PRDM16: variants seen among roughly 807,000 people sequenced by gnomAD.
PRDM16 encodes histone-lysine N-methyltransferase PRDM16.
Under a neutral mutation model 110.6 loss-of-function variants are expected in PRDM16, and 23 were observed. That is an observed-to-expected ratio of 0.21 (90% confidence interval 0.15 to 0.29). The LOEUF (loss-of-function observed/expected upper bound fraction) is 0.29. Ranked by LOEUF, PRDM16 falls within the 10% of genes least tolerant of loss-of-function variation. The pLI, the probability that PRDM16 is intolerant of heterozygous loss-of-function variation, is 1.00. For missense variants in PRDM16, 1,615 were observed against 1,794.3 expected (o/e 0.90, Z 1.81); for synonymous variants, 799 against 781.8 (o/e 1.02, Z -0.37).
intron 3 of PRDM16, among the ~76,000 whole-genome samples, chr1:3,316,444 G>A (rs183391250): frequency 5.8e-4 from 88 of 152,342 alleles, no homozygotes; most frequent in African/African-American, 1.9e-3. Context: ...AAGTGCCAAT[G>A]GTATACACTA....
rs973943355 is a variant in PRDM16, at chr1:3,425,303, C to T, written c.2940-278C>T. 6.7e-6 allele frequency: 2 copies of T among 298,468 alleles called. No individual in the cohort carries two copies. The highest frequency in any genetic ancestry group is 1.3e-5 in the Non-Finnish European group (2 of 158,430). The allele number at this position is 298,468 out of a possible 1,614,324, so 18.5% of individuals were successfully genotyped here. ...CCATGTCAGCCAGGATGGTCTCGATCTCCTGACCTCGTGATCCACCCGCCT... is the reference window on the plus strand; with the variant it reads ...CCATGTCAGCCAGGATGGTCTCGATTTCCTGACCTCGTGATCCACCCGCCT... On this transcript the variant is annotated intron_variant, in intron 12 of 16. Coordinates refer to ENST00000270722, the MANE Select transcript of PRDM16 (RefSeq NM_022114.4). The surrounding 1 kb of genome is among the most constrained non-coding windows in gnomAD (Gnocchi z 6.9).
intron 1 of PRDM16, among the ~76,000 whole-genome samples, chr1:3,114,191 A>ACGCACCCGCACGCG (rs1553127270): frequency 7.6e-6 from 1 of 131,714 alleles, no homozygotes; most frequent in African/African-American, 3.0e-5. Flanking sequence ...ACACGCACAC[A>ACGCACCCGCACGCG]CGCACACGCA....
chr1:3,421,309 C>T (rs1008014351), intron 12 of PRDM16, among the ~76,000 whole-genome samples: 2 of 152,142 alleles, frequency 1.3e-5, no homozygotes, highest in Non-Finnish European at 2.9e-5. Context: ...TGTTCCCCTG[C>T]CAATGGCTTC....
At chr1:3,364,196 C>T (rs796938950) in intron 3 of PRDM16, among the ~76,000 whole-genome samples, 23 of 152,262 alleles carry the variant, frequency 1.5e-4, no homozygotes, top group African/African-American at 4.8e-4. Flanking sequence ...TCCACCCCAC[C>T]GTGGCCACGA....
intron 3 of PRDM16, among the ~76,000 whole-genome samples, chr1:3,313,097 G>A (rs376609811): frequency 1.3e-5 from 2 of 152,240 alleles, no homozygotes; most frequent in Admixed American, 1.3e-4. Flanking sequence ...AAGGGCACCC[G>A]CAGACACTGG....
intron 1 of PRDM16, among the ~76,000 whole-genome samples, chr1:3,182,758 G>A (rs78944467): frequency 0.013 from 2,005 of 152,276 alleles, 77 homozygotes; most frequent in East Asian, 0.11. Context: ...TCATACGTGT[G>A]TGTGACAAGA....
At chr1:3,205,896 C>G (rs58322762) in intron 2 of PRDM16, 20,435 of 152,262 alleles carry the variant, frequency 0.13, 1,618 homozygotes, top group African/African-American at 0.2. Flanking sequence ...ATGGAACCAC[C>G]TGAATCTCCG....
chr1:3,179,254 G>A (rs1055518428), intron 1 of PRDM16, among the ~76,000 whole-genome samples: 4 of 152,264 alleles, frequency 2.6e-5, no homozygotes, highest in African/African-American at 9.6e-5. Context: ...AGGCAGAGAG[G>A]CCAGCAGGGC....
intron 1 of PRDM16, among the ~76,000 whole-genome samples, chr1:3,094,283 T>A (rs1642342641): frequency 6.6e-6 from 1 of 151,994 alleles, no homozygotes; most frequent in African/African-American, 2.4e-5. Flanking sequence ...CCTCCACAGC[T>A]CCCAGGTGGC....
chr1:3,268,440 T>A (rs2100276049), intron 3 of PRDM16, among the ~76,000 whole-genome samples: 2 of 152,200 alleles, frequency 1.3e-5, no homozygotes, highest in Middle Eastern at 6.8e-3. Flanking sequence ...TAGACCAGGG[T>A]GTTGGAGGAC....
chr1:3,248,787 T>G (rs1639854740), intron 3 of PRDM16, among the ~76,000 whole-genome samples: 1 of 152,236 alleles, frequency 6.6e-6, no homozygotes, highest in African/African-American at 2.4e-5. Flanking sequence ...ATTATTTGGA[T>G]GTTAGAACCA....
intron 2 of PRDM16, among the ~76,000 whole-genome samples, chr1:3,221,588 T>A (rs1331653870): frequency 6.6e-6 from 1 of 152,212 alleles, no homozygotes; most frequent in Non-Finnish European, 1.5e-5. Flanking sequence ...CGTCATGCAC[T>A]GCGCTTGCTT....
At position 3,186,149 on chromosome 1, in the gene PRDM16, T is replaced by C; in HGVS notation, c.62T>C (p.Met21Thr). ...GGTGACGGTGACGTTGTAAATAATATGTATGAGCCCAACCGGGACCTGCTG... is the reference window on the plus strand; with the variant it reads ...GGTGACGGTGACGTTGTAAATAATACGTATGAGCCCAACCGGGACCTGCTG... ...AKSDGDVVNN[M>T]YEPNRDLLAS... The change falls in exon 2 of 17, where the codon ATG (methionine) becomes ACG (threonine). Residue 21 changes from methionine (M) to threonine (T), a missense_variant. Coordinates refer to ENST00000270722, the MANE Select transcript of PRDM16 (RefSeq NM_022114.4). 3 of 1,612,682 alleles carry C rather than the reference T, an allele frequency of 1.9e-6. No individual in the cohort carries two copies. Among genetic ancestry groups the C allele is most frequent in the Non-Finnish European group, 1.7e-6 (2 of 1,179,904 alleles).
At chr1:3,391,167 G>C (rs1025673645) in intron 4 of PRDM16, among the ~76,000 whole-genome samples, 1 of 152,146 alleles carries the variant, frequency 6.6e-6, no homozygotes, top group Non-Finnish European at 1.5e-5. Context: ...AAAAATCATA[G>C]ATTGTTAATT....
At chr1:3,122,252 C>T (rs573890048) in intron 1 of PRDM16, among the ~76,000 whole-genome samples, 3 of 152,230 alleles carry the variant, frequency 2.0e-5, no homozygotes, top group East Asian at 3.9e-4. Context: ...AATTTCTAAT[C>T]GACCCTTGAG....
In PRDM16 at chr1:3,433,752, T is replaced by C. The variant is rs1453107701; in HGVS notation, c.3772T>C (p.Leu1258=). The C allele has an allele frequency of 1.2e-6, 2 of 1,613,956 alleles. No individual in the cohort carries two copies. The highest frequency in any genetic ancestry group is 1.7e-5 in the Admixed American group (1 of 60,028). ...CTCCCAGGGTTCTCTGGACGCTTGG[T>C]TGAAGGTCACTGGAGCCACGTCGGA... ...TPSQGSLDAW[L]KVTGATSESG... Residue 1258 remains leucine, a synonymous_variant, in exon 17 of 17, where the codon TTG becomes CTG. Transcript: ENST00000270722.
chr1:3,091,547 C>T lies in PRDM16; in HGVS notation c.37+22251C>T, dbSNP rs189353153. Among the ~76,000 whole-genome samples the T allele has an allele frequency of 1.3e-3, 203 of 152,364 alleles. 1 individual carries two copies. Among genetic ancestry groups the T allele is most frequent in the African/African-American group, 4.5e-3 (188 of 41,586 alleles). Reference sequence around the variant, plus strand: ...ACGCCTGCCCCGTGCCACACTTCTCCGTGCACCCCTCATTCCCTTGGGAGA... The same window carrying T: ...ACGCCTGCCCCGTGCCACACTTCTCTGTGCACCCCTCATTCCCTTGGGAGA... On this transcript the variant is annotated intron_variant, in intron 1 of 16. Coordinates refer to ENST00000270722, the MANE Select transcript of PRDM16 (RefSeq NM_022114.4).
At chr1:3,421,480 T>C (rs1454523328) in intron 12 of PRDM16, among the ~76,000 whole-genome samples, 1 of 152,224 alleles carries the variant, frequency 6.6e-6, no homozygotes, top group Non-Finnish European at 1.5e-5. Flanking sequence ...TGTCAGCTTA[T>C]TTACAACGCA....
intron 3 of PRDM16, among the ~76,000 whole-genome samples, chr1:3,377,796 G>T (rs144648038): frequency 4.3e-4 from 65 of 152,330 alleles, no homozygotes; most frequent in African/African-American, 1.4e-3. Flanking sequence ...TTCCCTCTGT[G>T]GCTCCCTCCT....
Sources: gnomAD v4.1 joint callset for allele counts (sites outside exome capture counted in the v4.1 genomes callset) on GRCh38, gnomAD v4.1.1 for gene constraint, Gnocchi (gnomAD v3.1) non-coding constraint, MANE v1.5 for transcripts, NCBI Gene and HGNC (gene_info 2026-07-23, HGNC 2026-07-21) for gene names.